Variants in BCKDK observed in about 807,000 individuals in gnomAD.
The protein encoded by BCKDK is branched chain keto acid dehydrogenase kinase, also known as branched-chain alpha-ketoacid dehydrogenase kinase.
Under a neutral mutation model 43.9 loss-of-function variants are expected in BCKDK, and 28 were observed. That is an observed-to-expected ratio of 0.64 (90% CI 0.47 to 0.87). The LOEUF (loss-of-function observed/expected upper bound fraction) is 0.87. BCKDK is among the 40% of genes least tolerant of loss of function. The pLI is 0.00. For missense variants in BCKDK, 483 were observed against 581.4 expected, an observed-to-expected ratio of 0.83 and a Z score of 1.74; for synonymous variants, 257 against 234.3, an observed-to-expected ratio of 1.10 and a Z score of -0.88.
chr16:31,110,577 G>A lies in BCKDK; in HGVS notation c.642+78G>A. On this transcript the variant is annotated intron_variant, in intron 7 of 11. Transcript: ENST00000219794. This position sits in a 1 kb window ranked among gnomAD's most constrained non-coding sequence, Gnocchi z 5.4. ...GACTGGGCTGGGGATCCGGGTCAAGGGCCTGGGGGCTGAGGCTGTGGGGCT... is the reference window on the plus strand; with the variant it reads ...GACTGGGCTGGGGATCCGGGTCAAGAGCCTGGGGGCTGAGGCTGTGGGGCT... The A allele has an allele frequency of 6.3e-7, 1 of 1,593,972 alleles. No homozygotes were observed. The highest frequency in any genetic ancestry group is 2.2e-5 in the East Asian group (1 of 44,744).
downstream of BCKDK, chr16:31,117,533 G>T (rs1048880325): frequency 6.4e-4 from 374 of 581,212 alleles, no homozygotes; most frequent in Middle Eastern, 1.0e-3. Context: ...CCAACTCGCG[G>T]GGCCGCGGGG....
Position 31,110,058 on chromosome 16 carries a change from C to T in BCKDK, c.376-19C>T, listed in dbSNP as rs2057397666. 6.2e-6 allele frequency: 10 copies of T among 1,614,124 alleles called. No homozygotes were observed. The highest frequency in any genetic ancestry group is 1.1e-5 in the South Asian group (1 of 91,084). ...AGTGCCCATGCGGCTTTGTGAATTC[C>T]CACACCTCTTCCTTGCAGCATGAGC... On this transcript the variant is annotated intron_variant, in intron 4 of 11. Transcript: ENST00000219794. This position sits in a 1 kb window ranked among gnomAD's most constrained non-coding sequence, Gnocchi z 5.4.
At chr16:31,114,505 C>T (rs1343188429), downstream of BCKDK, among the ~76,000 whole-genome samples, 1 of 152,108 alleles carries the variant, frequency 6.6e-6, no homozygotes, top group African/African-American at 2.4e-5. Context: ...GCCACCATGC[C>T]TGTCGGATGT....
rs559276804 is a variant in BCKDK, at chr16:31,112,271, C to T, written c.*6C>T. On this transcript the variant is annotated 3_prime_UTR_variant, in exon 12 of 12. Transcript: ENST00000219794. The surrounding 1 kb of genome is among the most constrained non-coding windows in gnomAD (Gnocchi z 5.0). ...AGGAAAGCTTCCGGATCTGACCCCA[C>T]AGCCTTTGGCCTGCTCACCCGACCA... 3 of 1,607,202 alleles carry T rather than the reference C, an allele frequency of 1.9e-6. No individual in the cohort carries two copies. The highest frequency in any genetic ancestry group is 1.1e-5 in the South Asian group (1 of 91,090).
chr16:31,109,711 G>T lies in BCKDK; in HGVS notation c.303G>T (p.Arg101Ser). 1 of 1,614,000 alleles carries T rather than the reference G, an allele frequency of 6.2e-7. No homozygotes were observed. The highest frequency in any genetic ancestry group is 8.5e-7 in the Non-Finnish European group (1 of 1,180,030). Residue 101 changes from arginine (R) to serine (S), a missense_variant, in exon 4 of 12, where the codon AGG becomes AGT. By Grantham distance (110) the Arg-to-Ser change is moderately radical. Transcript: ENST00000219794. This position sits in a 1 kb window ranked among gnomAD's most constrained non-coding sequence, Gnocchi z 5.3. ...ACCTGCAGCAAGAACTTCCAGTGAG[G>T]ATTGCTCACCGCATCAAGGGCTTCC... ...ARYLQQELPV[R>S]IAHRIKGFRC...
Position 31,109,203 on chromosome 16 carries a change from G to A in BCKDK, c.-21G>A. 2.0e-6 allele frequency: 3 copies of A among 1,464,904 alleles called. No homozygotes were observed. The highest frequency in any genetic ancestry group is 2.7e-6 in the Non-Finnish European group (3 of 1,108,182). The allele number at this position is 1,464,904 out of a possible 1,614,324, so 90.7% of individuals were successfully genotyped here. On this transcript the variant is annotated 5_prime_UTR_variant, in exon 2 of 12. Transcript: ENST00000219794. This position sits in a 1 kb window ranked among gnomAD's most constrained non-coding sequence, Gnocchi z 5.3. ...CGGATCCTCAGTCCTAGCGGCCACC[G>A]GGTCTGAAAGGAGCAAGACGATGAT...
In BCKDK at chr16:31,110,920, C is replaced by T. The variant is rs2057406656; in HGVS notation, c.716+159C>T. 6.0e-6 allele frequency: 8 copies of T among 1,325,228 alleles called. No homozygotes were observed. Among genetic ancestry groups the T allele is most frequent in the East Asian group, 2.4e-5 (1 of 42,172 alleles). The allele number at this position is 1,325,228 out of a possible 1,614,324, so 82.1% of individuals were successfully genotyped here. On this transcript the variant is annotated intron_variant, in intron 8 of 11. Transcript: ENST00000219794. The surrounding 1 kb of genome is among the most constrained non-coding windows in gnomAD (Gnocchi z 5.4). ...TAATTCTTTGTCACAGGGGCTGCCC[C>T]GTGCACGTTAGGAAGTTCAGCAGCA... is the stretch of plus-strand genomic sequence containing the variant.
Position 31,110,044 on chromosome 16 carries a change from G to A in BCKDK, c.376-33G>A, listed in dbSNP as rs1596809078. ...GCTGTTCTCTGCTCAGTGCCCATGC[G>A]GCTTTGTGAATTCCCACACCTCTTC... On this transcript the variant is annotated intron_variant, in intron 4 of 11. Transcript: ENST00000219794. This position sits in a 1 kb window ranked among gnomAD's most constrained non-coding sequence, Gnocchi z 5.4. 6.2e-6 allele frequency: 10 copies of A among 1,614,038 alleles called. No homozygotes were observed. Among genetic ancestry groups the A allele is most frequent in the Non-Finnish European group, 8.5e-6 (10 of 1,180,012 alleles).
chr16:31,110,921 G>A lies in BCKDK; in HGVS notation c.716+160G>A, dbSNP rs1026947431. The A allele has an allele frequency of 2.3e-5, 31 of 1,323,678 alleles. No individual in the cohort carries two copies. Among genetic ancestry groups the A allele is most frequent in the Non-Finnish European group, 2.8e-5 (27 of 952,084 alleles). 82.0% of individuals were successfully genotyped at this position (1,323,678 alleles called of 1,614,324 possible). ...AATTCTTTGTCACAGGGGCTGCCCC[G>A]TGCACGTTAGGAAGTTCAGCAGCAT... is the stretch of plus-strand genomic sequence containing the variant. On this transcript the variant is annotated intron_variant, in intron 8 of 11. Coordinates refer to ENST00000219794, the MANE Select transcript of BCKDK (RefSeq NM_005881.4). The surrounding 1 kb of genome is among the most constrained non-coding windows in gnomAD (Gnocchi z 5.4).
In BCKDK at chr16:31,108,853, G is replaced by C. The variant is rs1254721174; in HGVS notation, c.-177-194G>C. ...TCCCCCGACAGCCCTCCCACCGCCA[G>C]TAGAGCCTCGGGTTGGGGAATAGAA... On this transcript the variant is annotated intron_variant, in intron 1 of 11. Transcript: ENST00000219794. This position sits in a 1 kb window ranked among gnomAD's most constrained non-coding sequence, Gnocchi z 6.2. 1 of 167,928 alleles carries C rather than the reference G, an allele frequency of 6.0e-6. No individual in the cohort carries two copies. The highest frequency in any genetic ancestry group is 1.3e-5 in the Non-Finnish European group (1 of 78,638). The allele number at this position is 167,928 out of a possible 1,614,324, so 10.4% of individuals were successfully genotyped here.
Position 31,109,400 on chromosome 16 carries a change from C to G in BCKDK, c.177C>G (p.Ile59Met). ...TVTSFYNQSA[I>M]DAAAEKPSVR... ...CCTCCTTTTACAACCAGTCGGCCATCGACGCGGCAGCGGAGAAGGTGCGCA... is the reference window on the plus strand; with the variant it reads ...CCTCCTTTTACAACCAGTCGGCCATGGACGCGGCAGCGGAGAAGGTGCGCA... The change falls in exon 2 of 12, where the codon ATC becomes ATG. Residue 59 changes from isoleucine (I) to methionine (M), a missense_variant. Coordinates refer to ENST00000219794, the MANE Select transcript of BCKDK (RefSeq NM_005881.4). The surrounding 1 kb of genome is among the most constrained non-coding windows in gnomAD (Gnocchi z 5.3). 6.2e-7 allele frequency: 1 copy of G among 1,607,828 alleles called. No individual in the cohort carries two copies. Among genetic ancestry groups the G allele is most frequent in the Non-Finnish European group, 8.5e-7 (1 of 1,175,960 alleles).
At chr16:31,117,425 T>A (rs2057455140), downstream of BCKDK, 1 of 362,222 alleles carries the variant, frequency 2.8e-6, no homozygotes. Flanking sequence ...AGTTGAGTCA[T>A]CGCATGAGGT....
In BCKDK at chr16:31,112,290, C is replaced by T. The variant is rs1159243985; in HGVS notation, c.*25C>T. The stretch of plus-strand genomic sequence containing the variant: ...ACCCCACAGCCTTTGGCCTGCTCAC[C>T]CGACCAGCCTGGGCCGCATTCCCTG... On this transcript the variant is annotated 3_prime_UTR_variant, in exon 12 of 12. Coordinates refer to ENST00000219794, the MANE Select transcript of BCKDK (RefSeq NM_005881.4). The surrounding 1 kb of genome is among the most constrained non-coding windows in gnomAD (Gnocchi z 5.0). 2 of 1,604,588 alleles carry T rather than the reference C, an allele frequency of 1.2e-6. No homozygotes were observed. The highest frequency in any genetic ancestry group is 1.7e-5 in the Admixed American group (1 of 60,022).
At chr16:31,113,085 G>C (rs866183214), downstream of BCKDK, among the ~76,000 whole-genome samples, 1 of 152,270 alleles carries the variant, frequency 6.6e-6, no homozygotes, top group Non-Finnish European at 1.5e-5. Context: ...TTTGGGCAAA[G>C]ATATCAGGTA....
chr16:31,113,477 G>C (rs1372573221), downstream of BCKDK, among the ~76,000 whole-genome samples: 2 of 152,176 alleles, frequency 1.3e-5, no homozygotes, highest in African/African-American at 4.8e-5. Context: ...AGGGATCCAT[G>C]GGTGAGTTTT....
downstream of BCKDK, among the ~76,000 whole-genome samples, chr16:31,115,220 G>GT (rs1333079738): frequency 5.0e-4 from 61 of 120,856 alleles, no homozygotes; most frequent in East Asian, 0.021. Flanking sequence ...ACCGCGCCCA[G>GT]TCTTTTTTTT....
chr16:31,115,656 G>A (rs1379673685), downstream of BCKDK: 1 of 152,022 alleles, frequency 6.6e-6, no homozygotes, highest in Non-Finnish European at 1.5e-5. Flanking sequence ...CTCCTGAGTA[G>A]GTGGGACTAC....
chr16:31,109,876 A>T lies in BCKDK; in HGVS notation c.375+93A>T. The stretch of plus-strand genomic sequence containing the variant: ...CAGAGTGGCAGACGATTGCTTGCCT[A>T]AAGGTGTCAGGGCCACACAGGATTC... On this transcript the variant is annotated intron_variant, in intron 4 of 11. Transcript: ENST00000219794. The surrounding 1 kb of genome is among the most constrained non-coding windows in gnomAD (Gnocchi z 5.3). 1 of 1,443,340 alleles carries T rather than the reference A, an allele frequency of 6.9e-7. No homozygotes were observed. The highest frequency in any genetic ancestry group is 1.2e-5 in the South Asian group (1 of 86,390). 89.4% of individuals were successfully genotyped at this position (1,443,340 alleles called of 1,614,324 possible). A position where few individuals can be genotyped will look rare whatever the true frequency, so the allele number is the denominator to read the frequency against.
rs1374230981 is a variant in BCKDK, at chr16:31,109,532, A to G, written c.217A>G (p.Thr73Ala). 1.2e-6 allele frequency: 2 copies of G among 1,613,972 alleles called. No individual in the cohort carries two copies. The highest frequency in any genetic ancestry group is 1.7e-6 in the Non-Finnish European group (2 of 1,180,028). ...AEKPSVRLTPTMMLYAGRSQD... is the reference protein window; with the variant it reads ...AEKPSVRLTPAMMLYAGRSQD... ...CTAGCCCTCAGTCCGCCTAACGCCC[A>G]CCATGATGCTCTACGCTGGCCGCTC... The change falls in exon 3 of 12, where the codon ACC (threonine) becomes GCC (alanine). Residue 73 changes from threonine to alanine, a missense_variant. By Grantham distance (58) the Thr-to-Ala change is moderately conservative. Coordinates refer to ENST00000219794, the MANE Select transcript of BCKDK (RefSeq NM_005881.4). This position sits in a 1 kb window ranked among gnomAD's most constrained non-coding sequence, Gnocchi z 5.3.
Sources: allele counts gnomAD v4.1 joint callset (sites outside exome capture counted in the v4.1 genomes callset), GRCh38; gene constraint gnomAD v4.1.1; non-coding constraint Gnocchi (gnomAD v3.1); transcripts MANE v1.5; gene names NCBI Gene and HGNC (gene_info 2026-07-23, HGNC 2026-07-21).